Variants in CACNB2 observed in about 807,000 individuals in gnomAD.
The protein encoded by CACNB2 is calcium voltage-gated channel auxiliary subunit beta 2, also known as voltage-dependent L-type calcium channel subunit beta-2.
CACNB2 carries 42 observed loss-of-function variants against 73.3 expected under a neutral mutation model. The ratio of observed to expected loss-of-function variants is 0.57; its 90% CI spans 0.45 to 0.74. The LOEUF (loss-of-function observed/expected upper bound fraction) is 0.74. CACNB2 is among the 30% of genes least tolerant of loss of function. The probability of loss-of-function intolerance (pLI) is 0.00; values close to 1 mark genes in which losing one functional copy is unlikely to be tolerated. For missense variants in CACNB2, 940 were observed against 853.0 expected (o/e 1.10, Z -1.27); for synonymous variants, 348 against 310.3 (o/e 1.12, Z -1.28).
chr10:18,400,640 G>GTTTTTT, intron 2 of CACNB2: 1 of 935,074 alleles, frequency 1.1e-6, no homozygotes, highest in South Asian at 4.7e-5. Flanking sequence ...TTTTGCACTA[G>GTTTTTT]TTTTTTTTTT....
intron 2 of CACNB2, among the ~76,000 whole-genome samples, chr10:18,233,332 C>T (rs1277751): frequency 0.83 from 126,810 of 151,986 alleles, 53,367 homozygotes; most frequent in African/African-American, 0.93. Flanking sequence ...TCTCCAGCCA[C>T]GAGCCATATT....
intron 2 of CACNB2, among the ~76,000 whole-genome samples, chr10:18,216,210 T>C (rs1042252282): frequency 6.6e-6 from 1 of 152,006 alleles, no homozygotes; most frequent in Non-Finnish European, 1.5e-5. Flanking sequence ...GGCAGGAGAA[T>C]TGCTTGAACC....
intron 2 of CACNB2, among the ~76,000 whole-genome samples, chr10:18,377,589 C>T (rs1242031505): frequency 6.6e-6 from 1 of 152,156 alleles, no homozygotes; most frequent in Non-Finnish European, 1.5e-5. Context: ...AGATGTTCTT[C>T]TTCTTTTGAT....
chr10:18,145,337 G>A (rs1458711269), intron 1 of CACNB2, among the ~76,000 whole-genome samples: 1 of 152,046 alleles, frequency 6.6e-6, no homozygotes, highest in Admixed American at 6.5e-5. Context: ...CTCCAAAGTT[G>A]GTGGTTACAG....
chr10:18,492,867 G>C (rs1343781498), intron 3 of CACNB2, among the ~76,000 whole-genome samples: 1 of 152,078 alleles, frequency 6.6e-6, no homozygotes, highest in Non-Finnish European at 1.5e-5. Flanking sequence ...GGGCTTTAAT[G>C]GGGGGTAAAT....
At chr10:18,258,449 C>T (rs2489221) in intron 2 of CACNB2, among the ~76,000 whole-genome samples, 29,679 of 152,036 alleles carry the variant, frequency 0.2, 3,325 homozygotes, top group South Asian at 0.32. Context: ...AACTTGAGGC[C>T]GGGCACGGTG....
chr10:18,147,204 TC>T (rs2031074998), intron 1 of CACNB2, among the ~76,000 whole-genome samples: 1 of 152,214 alleles, frequency 6.6e-6, no homozygotes, highest in African/African-American at 2.4e-5. Flanking sequence ...TTAAGTTACT[TC>T]GTGTCAAGGA....
chr10:18,434,888 A>G (rs1008226305), intron 3 of CACNB2, among the ~76,000 whole-genome samples: 2 of 152,204 alleles, frequency 1.3e-5, no homozygotes, highest in African/African-American at 4.8e-5. Context: ...CCAATCTACC[A>G]TCATGAGAGA....
chr10:18,159,139 G>T (rs2131080158), intron 2 of CACNB2, among the ~76,000 whole-genome samples: 1 of 152,100 alleles, frequency 6.6e-6, no homozygotes, highest in Admixed American at 6.5e-5. Flanking sequence ...GCATTCCAAA[G>T]TTGAACACCA....
chr10:18,288,311 A>G (rs1300396988), intron 2 of CACNB2, among the ~76,000 whole-genome samples: 1 of 152,208 alleles, frequency 6.6e-6, no homozygotes, highest in African/African-American at 2.4e-5. Context: ...TTCTAGAATT[A>G]AATTTGTCCA....
intron 3 of CACNB2, among the ~76,000 whole-genome samples, chr10:18,464,130 C>T (rs2132698053): frequency 6.6e-6 from 1 of 152,084 alleles, no homozygotes; most frequent in African/African-American, 2.4e-5. Flanking sequence ...GCTTCTGAGA[C>T]ACCATGTTCT....
chr10:18,440,383 C>CT (rs1337596505), intron 3 of CACNB2, among the ~76,000 whole-genome samples: 2 of 152,132 alleles, frequency 1.3e-5, no homozygotes, highest in African/African-American at 4.8e-5. Context: ...AAAATGGCTT[C>CT]TGTGGGCCAA....
chr10:18,439,982 T>C lies in CACNB2; in HGVS notation c.333+37939T>C, dbSNP rs1183343378. On this transcript the variant is annotated intron_variant, in intron 3 of 13. Transcript: ENST00000324631. ...AAAAATAGTCTCTGTTCTGCTGCTATAATATTTTCACCTGAGTGATTTATA... is the reference window on the plus strand; with the variant it reads ...AAAAATAGTCTCTGTTCTGCTGCTACAATATTTTCACCTGAGTGATTTATA... Among the ~76,000 whole-genome samples the C allele has an allele frequency of 2.0e-5, 3 of 152,210 alleles. No homozygotes were observed. The East Asian group carries it at 5.8e-4, about 29-fold the overall frequency.
At position 18,499,109 on chromosome 10, in the gene CACNB2, A is replaced by C. The variant is rs113556405; in HGVS notation, c.456+632A>C. On this transcript the variant is annotated intron_variant, in intron 4 of 13. Coordinates refer to ENST00000324631, the MANE Select transcript of CACNB2 (RefSeq NM_201596.3). ...TTTGTTTGGAGTCAACATTTATCAA[A>C]TGCCTGCCTTGTGGAGCACTGTGTA... 1.5e-3 allele frequency among the ~76,000 whole-genome samples: 229 copies of C among 152,326 alleles called. 1 individual carries two copies. The highest frequency in any genetic ancestry group is 6.8e-3 in the Middle Eastern group (2 of 294).
chr10:18,436,742 A>G (rs548802191), intron 3 of CACNB2, among the ~76,000 whole-genome samples: 84 of 152,376 alleles, frequency 5.5e-4, no homozygotes, highest in African/African-American at 2.0e-3. Context: ...ACAACTGAAC[A>G]AAAATAAATC....
At chr10:18,172,035 C>T (rs1011881729) in intron 2 of CACNB2, among the ~76,000 whole-genome samples, 17 of 152,112 alleles carry the variant, frequency 1.1e-4, no homozygotes, top group African/African-American at 9.6e-5. Flanking sequence ...TAGGACCGTG[C>T]GGGATTACAA....
intron 2 of CACNB2, among the ~76,000 whole-genome samples, chr10:18,196,461 G>C (rs531762594): frequency 1.3e-5 from 2 of 151,824 alleles, no homozygotes; most frequent in South Asian, 4.2e-4. Flanking sequence ...GGACTACAGG[G>C]GTGCTCCAGC....
chr10:18,473,026 G>T (rs887219862), intron 3 of CACNB2, among the ~76,000 whole-genome samples: 8 of 152,182 alleles, frequency 5.3e-5, no homozygotes, highest in African/African-American at 7.2e-5. Context: ...CTGAATGTGG[G>T]ATATGTTGAA....
At chr10:18,363,665 G>A (rs1196245034) in intron 2 of CACNB2, among the ~76,000 whole-genome samples, 1 of 152,018 alleles carries the variant, frequency 6.6e-6, no homozygotes, top group Non-Finnish European at 1.5e-5. Context: ...TAGACAATGT[G>A]GCCAAAGGAA....
Sources: gnomAD v4.1 joint callset for allele counts (sites outside exome capture counted in the v4.1 genomes callset) on GRCh38, gnomAD v4.1.1 for gene constraint, MANE v1.5 for transcripts, NCBI Gene and HGNC (gene_info 2026-07-23, HGNC 2026-07-21) for gene names.